COL19A1: variants seen among roughly 807,000 people sequenced by gnomAD.
COL19A1 encodes collagen type XIX alpha 1 chain, also known as collagen alpha-1(XIX) chain.
In COL19A1, 159 loss-of-function variants were observed where a neutral mutation model predicts 190.2. That is an observed-to-expected ratio of 0.84 (90% CI 0.73 to 0.95). The LOEUF is 0.95. COL19A1 is among the 40% of genes least tolerant of loss of function. The pLI, the probability that COL19A1 is intolerant of heterozygous loss-of-function variation, is 0.00. For synonymous variants in COL19A1, 509 were observed against 458.9 expected, an observed-to-expected ratio of 1.11 and a Z score of -1.39; for missense variants, 1,418 against 1,431.9, an observed-to-expected ratio of 0.99 and a Z score of 0.16.
intron 1 of COL19A1, among the ~76,000 whole-genome samples, chr6:69,870,562 G>A (rs541028155): frequency 6.6e-6 from 1 of 152,324 alleles, no homozygotes; most frequent in East Asian, 1.9e-4. Flanking sequence ...ATGGCGGAGA[G>A]TGTTTGGAAG....
Position 70,190,343 on chromosome 6 carries a change from A to C in COL19A1, c.3056A>C (p.Lys1019Thr). The change falls in exon 48 of 51, where the codon AAG becomes ACG. Residue 1019 changes from lysine (K) to threonine (T), a missense_variant. By Grantham distance (78) the Lys-to-Thr change is moderately conservative. Transcript: ENST00000620364. Reference sequence around the variant, plus strand: ...GATGCAGTTTCATTTGAAGAAATAAAGAAGTATATTAATCAAGAGGTCCTA... The same window carrying C: ...GATGCAGTTTCATTTGAAGAAATAACGAAGTATATTAATCAAGAGGTCCTA... ...PADAVSFEEI[K>T]KYINQEVLRI... 1 of 1,607,620 alleles carries C rather than the reference A, an allele frequency of 6.2e-7. No homozygotes were observed. The highest frequency in any genetic ancestry group is 8.5e-7 in the Non-Finnish European group (1 of 1,176,218).
At chr6:69,962,921 A>T in intron 11 of COL19A1, 51 bp downstream of exon 11, 2 of 1,435,092 alleles carry the variant, frequency 1.4e-6, no homozygotes, top group South Asian at 2.4e-5. Context: ...TGTTCTTGAA[A>T]ATGTTTTGAA....
At position 70,211,669 on chromosome 6, in the gene COL19A1, T is replaced by G. The variant is rs1768215275; in HGVS notation, c.*4395T>G. 6.6e-6 allele frequency among the ~76,000 whole-genome samples: 1 copy of G among 151,494 alleles called. No individual in the cohort carries two copies. Among genetic ancestry groups the G allele is most frequent in the African/African-American group, 2.4e-5 (1 of 41,196 alleles). ...CTTAAATTTATTCAACTACTAAAAGTCTCAGGCAATAGGACAGATGAGTGT... is the reference window on the plus strand; with the variant it reads ...CTTAAATTTATTCAACTACTAAAAGGCTCAGGCAATAGGACAGATGAGTGT... On this transcript the variant is annotated 3_prime_UTR_variant, in exon 51 of 51. Transcript: ENST00000620364.
At chr6:69,984,682 A>G (rs1776220460) in intron 11 of COL19A1, among the ~76,000 whole-genome samples, 2 of 152,082 alleles carry the variant, frequency 1.3e-5, no homozygotes, top group South Asian at 4.1e-4. Flanking sequence ...TAGTTTTTTC[A>G]CAAAAAGTTA....
intron 14 of COL19A1, among the ~76,000 whole-genome samples, chr6:70,051,682 G>GT (rs1224727843): frequency 6.6e-6 from 1 of 151,866 alleles, no homozygotes; most frequent in Non-Finnish European, 1.5e-5. Context: ...TACCTCCCTC[G>GT]TAAGACATGC....
chr6:70,004,970 C>T (rs937850239), intron 11 of COL19A1, among the ~76,000 whole-genome samples: 3 of 151,866 alleles, frequency 2.0e-5, no homozygotes, highest in Non-Finnish European at 2.9e-5. Context: ...GTAGCTGGGA[C>T]TACAGGTGCC....
At chr6:70,178,648 A>T (rs1765966251) in intron 42 of COL19A1, among the ~76,000 whole-genome samples, 1 of 152,170 alleles carries the variant, frequency 6.6e-6, no homozygotes, top group Non-Finnish European at 1.5e-5. Flanking sequence ...TTACCATGAT[A>T]AAAATTTTTT....
intron 9 of COL19A1, among the ~76,000 whole-genome samples, chr6:69,941,431 G>A (rs932677185): frequency 3.3e-5 from 5 of 152,070 alleles, no homozygotes; most frequent in African/African-American, 1.2e-4. Context: ...ACTATTTTAG[G>A]TTGAGTTTAA....
chr6:70,110,700 T>G (rs1784236409), intron 16 of COL19A1, among the ~76,000 whole-genome samples: 1 of 152,206 alleles, frequency 6.6e-6, no homozygotes, highest in African/African-American at 2.4e-5. Context: ...TCTAATTATT[T>G]CTCTTTTTCT....
chr6:69,966,722 C>T (rs1252784515), intron 11 of COL19A1, among the ~76,000 whole-genome samples: 2 of 151,450 alleles, frequency 1.3e-5, no homozygotes, highest in Non-Finnish European at 1.5e-5. Context: ...GTCCTATGAC[C>T]CCGCCAAATC....
chr6:70,104,173 G>A (rs1783810090), intron 16 of COL19A1, among the ~76,000 whole-genome samples: 2 of 152,150 alleles, frequency 1.3e-5, no homozygotes, highest in Non-Finnish European at 2.9e-5. Context: ...GGGGGAATGA[G>A]GGGGTGAGGA....
chr6:69,895,913 T>C (rs776164770), intron 2 of COL19A1, among the ~76,000 whole-genome samples: 2 of 152,278 alleles, frequency 1.3e-5, no homozygotes, highest in Non-Finnish European at 2.9e-5. Context: ...TAGACTATTA[T>C]GTGTAACGCT....
intron 19 of COL19A1, 57 bp downstream of exon 19, chr6:70,137,804 T>TA (rs1785963833): frequency 1.8e-5 from 28 of 1,562,166 alleles, no homozygotes; most frequent in Non-Finnish European, 2.3e-5. Context: ...GGATTAAAAA[T>TA]ACGTTTCCAA....
intron 11 of COL19A1, among the ~76,000 whole-genome samples, chr6:70,002,696 T>C (rs1777337677): frequency 3.3e-5 from 5 of 151,200 alleles, no homozygotes. Flanking sequence ...TGTATTTCTG[T>C]GGGGGTCAGT....
chr6:70,031,457 GC>G lies in COL19A1; in HGVS notation c.1081-2783del, dbSNP rs201185138. ...TATCCACTTCTTTTCATCCTCCCTT[GC>G]CCCCTCACTCACCCTTTCCAGTCTT... On this transcript the variant is annotated intron_variant, in intron 12 of 50. Transcript: ENST00000620364. Among the ~76,000 whole-genome samples, 1,478 of 151,714 alleles carry G rather than the reference GC, an allele frequency of 9.7e-3. 23 individuals carry two copies. Among genetic ancestry groups the G allele is most frequent in the Middle Eastern group, 0.048 (14 of 294 alleles).
Position 69,900,236 on chromosome 6 carries a change from C to T in COL19A1, c.167-3C>T. ...AAATTGAATCATCTGTTACATTTTA[C>T]AGGTTTTGATCTAGGAGACAGCTTT... On this transcript the variant is annotated splice_region_variant and splice_polypyrimidine_tract_variant and intron_variant, in intron 3 of 50. Coordinates refer to ENST00000620364, the MANE Select transcript of COL19A1 (RefSeq NM_001858.6). The T allele has an allele frequency of 1.3e-6, 2 of 1,546,452 alleles. No individual in the cohort carries two copies. The highest frequency in any genetic ancestry group is 1.8e-6 in the Non-Finnish European group (2 of 1,141,286).
At chr6:69,951,261 C>T (rs1168280253) in intron 9 of COL19A1, among the ~76,000 whole-genome samples, 1 of 151,886 alleles carries the variant, frequency 6.6e-6, no homozygotes, top group Non-Finnish European at 1.5e-5. Context: ...TGTCAGTTTT[C>T]TCTTTTATAA....
At chr6:70,123,283 G>T (rs1163949639) in intron 17 of COL19A1, among the ~76,000 whole-genome samples, 1 of 151,974 alleles carries the variant, frequency 6.6e-6, no homozygotes, top group Non-Finnish European at 1.5e-5. Context: ...AGTTAGAATG[G>T]CAATCATTAA....
At chr6:70,136,292 C>T (rs779652232) in intron 18 of COL19A1, among the ~76,000 whole-genome samples, 13 of 152,082 alleles carry the variant, frequency 8.5e-5, no homozygotes, top group Non-Finnish European at 1.8e-4. Context: ...CTGTTTGAGG[C>T]TTCAAAATGA....
Sources: gnomAD v4.1 joint callset for allele counts (sites outside exome capture counted in the v4.1 genomes callset) on GRCh38, gnomAD v4.1.1 for gene constraint, MANE v1.5 for transcripts, NCBI Gene and HGNC (gene_info 2026-07-23, HGNC 2026-07-21) for gene names.